DHRS9: variants seen among roughly 807,000 people sequenced by gnomAD.
DHRS9 encodes the protein dehydrogenase/reductase 9.
Under a neutral mutation model 26.6 loss-of-function variants are expected in DHRS9, and 18 were observed. The observed-to-expected ratio is 0.68, with a 90% CI of 0.47 to 1.00. The LOEUF is 1.00. Ranked by LOEUF, DHRS9 falls within the 50% of genes least tolerant of loss-of-function variation. The pLI is 0.00. For synonymous variants in DHRS9, 134 were observed against 141.1 expected, an observed-to-expected ratio of 0.95 and a Z score of 0.36; for missense variants, 425 against 378.7, an observed-to-expected ratio of 1.12 and a Z score of -1.01.
At chr2:169,086,517 G>C (rs1684355517) in intron 3 of DHRS9, among the ~76,000 whole-genome samples, 3 of 148,420 alleles carry the variant, frequency 2.0e-5, no homozygotes, top group Admixed American at 2.0e-4. Context: ...GTGAGGTCCT[G>C]TTTTTCTGGG....
chr2:169,080,003 AAGAAAG>A (rs1684126728), intron 1 of DHRS9, among the ~76,000 whole-genome samples: 1 of 84,196 alleles, frequency 1.2e-5, no homozygotes, highest in Non-Finnish European at 2.4e-5. Context: ...GAAAGAAAGA[AAGAAAG>A]AAAGAAAGAA....
chr2:169,084,291 C>T (rs1412732879), intron 3 of DHRS9, among the ~76,000 whole-genome samples: 1 of 152,186 alleles, frequency 6.6e-6, no homozygotes, highest in Middle Eastern at 3.2e-3. Flanking sequence ...AACAGTGCTA[C>T]AACGAACATG....
Position 169,083,540 on chromosome 2 carries a change from C to T in DHRS9, c.525C>T (p.Gly175=). The T allele has an allele frequency of 3.1e-6, 5 of 1,613,948 alleles. No homozygotes were observed. The highest frequency in any genetic ancestry group is 4.2e-6 in the Non-Finnish European group (5 of 1,179,934). The part of the protein sequence containing the change: ...VGGRLAIVGG[G]YTPSKYAVEG... The stretch of plus-strand genomic sequence containing the variant: ...GTCGCCTTGCAATCGTTGGAGGGGG[C>T]TATACTCCATCCAAATATGCAGTGG... The change falls in exon 3 of 5, where the codon GGC becomes GGT. Residue 175 remains glycine (G), a synonymous_variant. Transcript: ENST00000674881.
intron 4 of DHRS9, among the ~76,000 whole-genome samples, chr2:169,094,251 G>T (rs2105306103): frequency 6.6e-6 from 1 of 152,220 alleles, no homozygotes; most frequent in East Asian, 1.9e-4. Flanking sequence ...AGTCTGTTCA[G>T]ATTCTCTTCC....
At chr2:169,090,159 C>T (rs1298446314) in intron 3 of DHRS9, among the ~76,000 whole-genome samples, 2 of 152,154 alleles carry the variant, frequency 1.3e-5, no homozygotes, top group Admixed American at 6.5e-5. Context: ...CCAGTGTCAG[C>T]GTCACAATTT....
chr2:169,082,859 C>T (rs1258814635), intron 2 of DHRS9, among the ~76,000 whole-genome samples: 2 of 121,758 alleles, frequency 1.6e-5, no homozygotes, highest in Non-Finnish European at 3.1e-5. Context: ...GGAAGGGGAA[C>T]ATCACACATC....
intron 1 of DHRS9, 129 bp from the exon 2 acceptor site, chr2:169,081,394 A>C: frequency 8.3e-7 from 1 of 1,210,040 alleles, no homozygotes; most frequent in Non-Finnish European, 1.1e-6. Context: ...CAACCAAATA[A>C]GAGTTATTGT....
intron 3 of DHRS9, among the ~76,000 whole-genome samples, chr2:169,088,764 C>T (rs771934490): frequency 4.2e-4 from 64 of 152,116 alleles, no homozygotes; most frequent in East Asian, 1.9e-4. Flanking sequence ...AGAGTGGCAG[C>T]GAATTTATAT....
chr2:169,067,667 G>A (rs1347067256), upstream of DHRS9, among the ~76,000 whole-genome samples: 1 of 152,070 alleles, frequency 6.6e-6, no homozygotes, highest in African/African-American at 2.4e-5. Context: ...TGAAGTCAAT[G>A]TAGGATGAGT....
chr2:169,084,634 C>G (rs1171167676), intron 3 of DHRS9, among the ~76,000 whole-genome samples: 1 of 152,120 alleles, frequency 6.6e-6, no homozygotes, highest in African/African-American at 2.4e-5. Flanking sequence ...ACTTGTATGT[C>G]TTTTCAGAAA....
intron 1 of DHRS9, among the ~76,000 whole-genome samples, chr2:169,080,041 GAAA>G (rs1684133489): frequency 7.8e-6 from 1 of 128,612 alleles, no homozygotes; most frequent in Admixed American, 8.1e-5. Context: ...AAGAAAGAAA[GAAA>G]GAAAGAAAAT....
At chr2:169,091,339 G>A (rs1300363802) in intron 3 of DHRS9, among the ~76,000 whole-genome samples, 1 of 151,992 alleles carries the variant, frequency 6.6e-6, no homozygotes, top group Non-Finnish European at 1.5e-5. Flanking sequence ...GTCACATCAG[G>A]GATTATCGTA....
At chr2:169,082,893 AG>A (rs2105292303) in intron 2 of DHRS9, among the ~76,000 whole-genome samples, 1 of 48,792 alleles carries the variant, frequency 2.0e-5, no homozygotes, top group Admixed American at 3.1e-4. Context: ...GGGTGGGGGG[AG>A]GGGGGAGGGA....
chr2:169,073,725 C>A (rs1395616892), intron 1 of DHRS9, among the ~76,000 whole-genome samples: 1 of 152,048 alleles, frequency 6.6e-6, no homozygotes, highest in Non-Finnish European at 1.5e-5. Context: ...CTTGCAGCAG[C>A]AGGATATGAG....
chr2:169,087,287 C>T (rs973250838), intron 3 of DHRS9, among the ~76,000 whole-genome samples: 1 of 152,180 alleles, frequency 6.6e-6, no homozygotes, highest in East Asian at 1.9e-4. Flanking sequence ...GGAAGTATTG[C>T]CTGGCTATGA....
chr2:169,075,926 A>G lies in DHRS9; in HGVS notation c.-59-5597A>G, dbSNP rs113819561. Among the ~76,000 whole-genome samples, 865 of 152,172 alleles carry G rather than the reference A, an allele frequency of 5.7e-3. 9 individuals are homozygous for G. Among genetic ancestry groups the G allele is most frequent in the African/African-American group, 0.019 (799 of 41,516 alleles). On this transcript the variant is annotated intron_variant, in intron 1 of 4. Coordinates refer to ENST00000674881, the MANE Select transcript of DHRS9 (RefSeq NM_001376924.1). The stretch of plus-strand genomic sequence containing the variant: ...CAGATTTCTCCACTATAAAATTACC[A>G]TTATTCTCTCTTTAATTTGAAAGTA...
Position 169,079,929 on chromosome 2 carries a change from GAGAGAGA to G in DHRS9, c.-59-1593_-59-1587del. On this transcript the variant is annotated intron_variant, in intron 1 of 4. Transcript: ENST00000674881. ...AGGGAGGGAGGGAGGGGGAGAGAGA[GAGAGAGA>G]GAGAGAGAGAGAGAGAGAGAGAGAG... is the stretch of plus-strand genomic sequence containing the variant. Among the ~76,000 whole-genome samples, 2 of 11,600 alleles carry G rather than the reference GAGAGAGA, an allele frequency of 1.7e-4. 1 individual carries two copies. The highest frequency in any genetic ancestry group is 4.8e-3 in the South Asian group (2 of 416). 7.6% of individuals were successfully genotyped at this position (11,600 alleles called of 152,430 possible). A position where few individuals can be genotyped will look rare whatever the true frequency, so the allele number is the denominator to read the frequency against.
rs538649865 is a variant in DHRS9 at position 169,090,595 on chromosome 2, C to CT, written c.573-1194dup. Reference sequence around the variant, plus strand: ...AAAAATAAATTACATTTTAAGTCCACTAATAGAGCTTTTAAAAATCTTATG... The same window carrying CT: ...AAAAATAAATTACATTTTAAGTCCACTTAATAGAGCTTTTAAAAATCTTATG... On this transcript the variant is annotated intron_variant, in intron 3 of 4. Transcript: ENST00000674881. Among the ~76,000 whole-genome samples, 330 of 152,208 alleles carry CT rather than the reference C, an allele frequency of 2.2e-3. 5 individuals carry two copies. The highest frequency in any genetic ancestry group is 0.013 in the South Asian group (61 of 4,828).
chr2:169,077,783 C>A (rs2105284568), intron 1 of DHRS9, among the ~76,000 whole-genome samples: 2 of 152,306 alleles, frequency 1.3e-5, no homozygotes, highest in South Asian at 4.1e-4. Context: ...GTTTCATGCA[C>A]AGGAACATGC....
Sources: allele counts gnomAD v4.1 joint callset (sites outside exome capture counted in the v4.1 genomes callset), GRCh38; gene constraint gnomAD v4.1.1; transcripts MANE v1.5; gene names NCBI Gene and HGNC (gene_info 2026-07-23, HGNC 2026-07-21).